The following CDH4 variants were observed in gnomAD, a reference collection of about 807,000 sequenced individuals.
The protein encoded by CDH4 is cadherin 4.
CDH4 carries 33 observed loss-of-function variants against 86.0 expected under a neutral mutation model. The observed-to-expected ratio is 0.38, with a 90% CI of 0.29 to 0.51. The LOEUF (loss-of-function observed/expected upper bound fraction) is 0.51. Ranked by LOEUF, CDH4 falls within the 20% of genes least tolerant of loss-of-function variation. CDH4 has a pLI of 0.86. For synonymous variants in CDH4, 555 were observed against 549.4 expected (o/e 1.01, Z -0.14); for missense variants, 1,114 against 1,307.4 (o/e 0.85, Z 2.28).
chr20:61,513,321 C>G (rs2085794207), intron 2 of CDH4, among the ~76,000 whole-genome samples: 1 of 152,228 alleles, frequency 6.6e-6, no homozygotes. Context: ...TCTCTGCAAG[C>G]TGGCCAGCAC....
intron 2 of CDH4, among the ~76,000 whole-genome samples, chr20:61,512,690 C>G (rs2085789029): frequency 2.0e-5 from 3 of 152,224 alleles, no homozygotes; most frequent in Admixed American, 1.3e-4. Flanking sequence ...GACTCACCGT[C>G]TCATTTCTCA....
chr20:61,628,299 G>A (rs189119565), intron 2 of CDH4, among the ~76,000 whole-genome samples: 26 of 151,962 alleles, frequency 1.7e-4, no homozygotes, highest in African/African-American at 5.3e-4. Context: ...CCTCACTGCC[G>A]CCCCCACCCC....
chr20:61,723,758 A>G (rs753343347), intron 2 of CDH4, among the ~76,000 whole-genome samples: 68 of 152,234 alleles, frequency 4.5e-4, no homozygotes, highest in Admixed American at 7.2e-4. Flanking sequence ...GCAGCCAACC[A>G]GAGTGTGTTT....
intron 2 of CDH4, among the ~76,000 whole-genome samples, chr20:61,291,525 G>A (rs556222073): frequency 6.6e-6 from 1 of 152,330 alleles, no homozygotes; most frequent in South Asian, 2.1e-4. Context: ...GGATAATGGA[G>A]TGCCTCCTTC....
intron 2 of CDH4, among the ~76,000 whole-genome samples, chr20:61,465,550 T>C (rs1012061962): frequency 3.3e-5 from 5 of 152,220 alleles, no homozygotes; most frequent in African/African-American, 2.4e-5. Context: ...GTAAATTGTA[T>C]GGATGTATTG....
chr20:61,796,762 A>G (rs1188208457), intron 4 of CDH4, among the ~76,000 whole-genome samples: 4 of 151,984 alleles, frequency 2.6e-5, no homozygotes, highest in Admixed American at 2.0e-4. Flanking sequence ...GGCTCCCAGC[A>G]CCCCCATCCT....
At chr20:61,573,895 C>T (rs955803301) in intron 2 of CDH4, among the ~76,000 whole-genome samples, 2 of 152,208 alleles carry the variant, frequency 1.3e-5, no homozygotes, top group African/African-American at 4.8e-5. Flanking sequence ...GCCAGGAGCT[C>T]CCCTCGCTCA....
intron 3 of CDH4, among the ~76,000 whole-genome samples, chr20:61,755,453 G>A (rs1344433109): frequency 1.5e-4 from 13 of 87,640 alleles, no homozygotes; most frequent in South Asian, 3.7e-4. Context: ...CACACACCCC[G>A]TACACACCAC....
intron 2 of CDH4, among the ~76,000 whole-genome samples, chr20:61,702,194 T>C (rs1863368835): frequency 6.6e-6 from 1 of 152,142 alleles, no homozygotes; most frequent in Non-Finnish European, 1.5e-5. Flanking sequence ...TCTGCCACTT[T>C]CTCCATAAAG....
intron 2 of CDH4, among the ~76,000 whole-genome samples, chr20:61,550,894 T>G (rs1045853922): frequency 6.6e-6 from 1 of 152,208 alleles, no homozygotes; most frequent in Non-Finnish European, 1.5e-5. Flanking sequence ...CTTGGCCAGA[T>G]GCGCACAGGC....
intron 2 of CDH4, among the ~76,000 whole-genome samples, chr20:61,605,425 A>G (rs1240917160): frequency 1.4e-5 from 2 of 146,824 alleles, no homozygotes; most frequent in Non-Finnish European, 1.5e-5. Flanking sequence ...CTGTTTCTCT[A>G]TGTATATCTG....
rs2085155728 is a variant in CDH4, at chr20:61,417,909, A to C, written c.169+162972A>C. Among the ~76,000 whole-genome samples the C allele has an allele frequency of 6.6e-6, 1 of 152,054 alleles. No homozygotes were observed. The highest frequency in any genetic ancestry group is 1.5e-5 in the Non-Finnish European group (1 of 68,004). On this transcript the variant is annotated intron_variant, in intron 2 of 15. Transcript: ENST00000614565. This position sits in a 1 kb window ranked among gnomAD's most constrained non-coding sequence, Gnocchi z 4.0. The stretch of plus-strand genomic sequence containing the variant: ...TCATGCTCAGAGGCCCACTTGGAAG[A>C]GATGGAGCCTCCCATCCCTTGAGTT...
intron 8 of CDH4, among the ~76,000 whole-genome samples, chr20:61,907,415 C>A (rs554416824): frequency 2.0e-5 from 3 of 152,028 alleles, no homozygotes; most frequent in East Asian, 3.9e-4. Flanking sequence ...CCAAGGACTG[C>A]AGGGCTGAGA....
At chr20:61,299,182 C>T (rs563841201) in intron 2 of CDH4, among the ~76,000 whole-genome samples, 5 of 152,206 alleles carry the variant, frequency 3.3e-5, no homozygotes, top group African/African-American at 4.8e-5. Context: ...AAGAGGAAAC[C>T]GAATCCAGTG....
At chr20:61,770,396 G>A (rs966442988) in intron 3 of CDH4, among the ~76,000 whole-genome samples, 2 of 152,206 alleles carry the variant, frequency 1.3e-5, no homozygotes, top group Admixed American at 6.5e-5. Context: ...TCTCCACCAC[G>A]TGAACTCTCA....
At chr20:61,540,195 C>T (rs1010474174) in intron 2 of CDH4, among the ~76,000 whole-genome samples, 1 of 152,190 alleles carries the variant, frequency 6.6e-6, no homozygotes, top group Non-Finnish European at 1.5e-5. Flanking sequence ...GAATGCACGG[C>T]AGCGTCGTCT....
chr20:61,666,089 T>C (rs2087320797), intron 2 of CDH4, among the ~76,000 whole-genome samples: 1 of 152,114 alleles, frequency 6.6e-6, no homozygotes, highest in Non-Finnish European at 1.5e-5. Context: ...ACTTGTGTTT[T>C]CCAAAACGGC....
rs1336198728 is a variant in CDH4 at position 61,565,280 on chromosome 20, GAT to G, written c.170-178282_170-178281del. On this transcript the variant is annotated intron_variant, in intron 2 of 15. Transcript: ENST00000614565. ...TGATGGTGGTGGTGGTCCTCTTGGT[GAT>G]GGGGTGATGGTGGTGGCGGTGCTCT... Among the ~76,000 whole-genome samples, 7 of 120,408 alleles carry G rather than the reference GAT, an allele frequency of 5.8e-5. 1 individual carries two copies. Among genetic ancestry groups the G allele is most frequent in the Non-Finnish European group, 9.0e-5 (5 of 55,410 alleles). The allele number at this position is 120,408 out of a possible 152,430, so 79.0% of individuals were successfully genotyped here.
chr20:61,317,570 G>T (rs1477396489), intron 2 of CDH4, among the ~76,000 whole-genome samples: 2 of 152,150 alleles, frequency 1.3e-5, no homozygotes, highest in Non-Finnish European at 2.9e-5. Context: ...GACGCCACAG[G>T]CATGGGGGGC....
Sources: allele counts gnomAD v4.1 joint callset (sites outside exome capture counted in the v4.1 genomes callset), GRCh38; gene constraint gnomAD v4.1.1; non-coding constraint Gnocchi (gnomAD v3.1); transcripts MANE v1.5; gene names NCBI Gene and HGNC (gene_info 2026-07-23, HGNC 2026-07-21).